GPHN: variants seen among roughly 807,000 people sequenced by gnomAD.
GPHN encodes the protein gephyrin.
A neutral mutation model predicts 95.5 loss-of-function variants in GPHN; 17 were observed. The observed-to-expected ratio is 0.18, with a 90% CI of 0.12 to 0.27. GPHN has a LOEUF of 0.27. GPHN is among the 10% of genes least tolerant of loss of function. GPHN has a pLI of 1.00. For missense variants in GPHN, 660 were observed against 978.1 expected (o/e 0.67, Z 4.34); for synonymous variants, 320 against 322.5 (o/e 0.99, Z 0.08).
At chr14:66,538,083 C>T (rs1490099835) in intron 1 of GPHN, among the ~76,000 whole-genome samples, 5 of 152,204 alleles carry the variant, frequency 3.3e-5, no homozygotes, top group Non-Finnish European at 7.3e-5. Flanking sequence ...CTTCCTGCCT[C>T]AGCCTCCCAA....
chr14:66,851,389 T>C (rs1016977808), intron 4 of GPHN, among the ~76,000 whole-genome samples: 1 of 152,078 alleles, frequency 6.6e-6, no homozygotes, highest in Non-Finnish European at 1.5e-5. Flanking sequence ...TCACCCAGAC[T>C]GGAGTTAGAA....
chr14:67,108,110 C>T (rs558877240), intron 13 of GPHN, among the ~76,000 whole-genome samples: 18 of 152,142 alleles, frequency 1.2e-4, no homozygotes. Flanking sequence ...CTGCAGCACC[C>T]AGGAGCTAGC....
At chr14:67,297,856 T>C in the GPHN span, among the ~76,000 whole-genome samples, 2 of 152,208 alleles carry the variant, frequency 1.3e-5, no homozygotes, top group African/African-American at 4.8e-5. Flanking sequence ...TACAATTCTA[T>C]CTTCATTGAG....
the GPHN span, among the ~76,000 whole-genome samples, chr14:67,295,690 T>A: frequency 6.6e-6 from 1 of 152,124 alleles, no homozygotes; most frequent in Non-Finnish European, 1.5e-5. Context: ...ATGACAATGA[T>A]TACAATTTAA....
intron 4 of GPHN, among the ~76,000 whole-genome samples, chr14:66,840,274 G>A (rs927050993): frequency 6.6e-6 from 1 of 151,976 alleles, no homozygotes; most frequent in Non-Finnish European, 1.5e-5. Flanking sequence ...GCGAGACACT[G>A]TCTCAAAAAT....
the GPHN span, among the ~76,000 whole-genome samples, chr14:67,275,607 C>T: frequency 6.6e-6 from 1 of 152,124 alleles, no homozygotes; most frequent in East Asian, 1.9e-4. Flanking sequence ...CTCTGCCCGG[C>T]TTTGGTATCA....
At chr14:66,622,882 T>G (rs1306827646) in intron 1 of GPHN, among the ~76,000 whole-genome samples, 3 of 152,202 alleles carry the variant, frequency 2.0e-5, no homozygotes, top group Non-Finnish European at 2.9e-5. Flanking sequence ...GATTTTCCTG[T>G]CTTCTTCTGA....
intron 8 of GPHN, among the ~76,000 whole-genome samples, chr14:66,933,635 T>G (rs2153567992): frequency 6.6e-6 from 1 of 152,326 alleles, no homozygotes; most frequent in South Asian, 2.1e-4. Flanking sequence ...AATTTAAGCT[T>G]CAGTTCTCAT....
the GPHN span, chr14:67,316,848 G>C: frequency 7.4e-6 from 12 of 1,611,512 alleles, no homozygotes; most frequent in Non-Finnish European, 1.0e-5. Flanking sequence ...GCTTTCAGCA[G>C]CAAAGGGAAG....
chr14:66,791,774 ATGACCTGTATCT>A (rs2059978313), intron 3 of GPHN, among the ~76,000 whole-genome samples: 1 of 152,214 alleles, frequency 6.6e-6, no homozygotes, highest in African/African-American at 2.4e-5. Context: ...CAAGGTCTTC[ATGACCTGTATCT>A]TGTGCTGACC....
At chr14:66,784,206 T>G (rs571244213) in intron 3 of GPHN, among the ~76,000 whole-genome samples, 1 of 152,220 alleles carries the variant, frequency 6.6e-6, no homozygotes, top group South Asian at 2.1e-4. Context: ...ATTATAGAAC[T>G]GAGAAATACC....
At chr14:66,771,823 G>A (rs2059188811) in intron 2 of GPHN, among the ~76,000 whole-genome samples, 1 of 148,488 alleles carries the variant, frequency 6.7e-6, no homozygotes, top group South Asian at 2.1e-4. Context: ...AGAATATGCG[G>A]TGTTTGGTTT....
intron 1 of GPHN, among the ~76,000 whole-genome samples, chr14:66,569,788 ATATT>A (rs1469017480): frequency 1.3e-5 from 2 of 152,168 alleles, no homozygotes; most frequent in East Asian, 1.9e-4. Context: ...ATTACCTCAC[ATATT>A]TATTTGTTGT....
the GPHN span, among the ~76,000 whole-genome samples, chr14:67,356,434 C>CAAAAAAAAAAAAAAAA: frequency 1.5e-5 from 2 of 129,742 alleles, no homozygotes. Flanking sequence ...AAAACAAAAA[C>CAAAAAAAAAAAAAAAA]AAAAAAAAAA....
the GPHN span, among the ~76,000 whole-genome samples, chr14:67,235,409 C>T: frequency 6.6e-6 from 1 of 152,052 alleles, no homozygotes; most frequent in Admixed American, 6.6e-5. Flanking sequence ...TACCTACATC[C>T]TCTCTCGGAA....
chr14:67,396,894 G>A, the GPHN span, among the ~76,000 whole-genome samples: 1 of 151,388 alleles, frequency 6.6e-6, no homozygotes, highest in African/African-American at 2.4e-5. Context: ...TCCATGCCTT[G>A]CAAATGTCTT....
At chr14:66,954,647 C>CT (rs1394956611) in intron 8 of GPHN, among the ~76,000 whole-genome samples, 3 of 152,152 alleles carry the variant, frequency 2.0e-5, no homozygotes, top group Non-Finnish European at 4.4e-5. Flanking sequence ...CTGGCTAGAA[C>CT]TTTGAGTACA....
At position 66,661,431 on chromosome 14, in the gene GPHN, C is replaced by A. The variant is rs2153375561; in HGVS notation, c.65-19676C>A. 2.0e-5 allele frequency among the ~76,000 whole-genome samples: 3 copies of A among 152,126 alleles called. No individual in the cohort carries two copies. The Middle Eastern group carries it at 0.01, about 517-fold the overall frequency. ...GCCAGACTGCTTCTTTAAGAGGGAC[C>A]CTCAATCCAAATCCTCTTCTTGGGT... On this transcript the variant is annotated intron_variant, in intron 1 of 22. Coordinates refer to ENST00000478722, the MANE Select transcript of GPHN (RefSeq NM_020806.5).
intron 4 of GPHN, among the ~76,000 whole-genome samples, chr14:66,839,917 G>A (rs2062006964): frequency 1.3e-5 from 2 of 152,118 alleles, no homozygotes; most frequent in African/African-American, 4.8e-5. Flanking sequence ...CTGTGGGGTA[G>A]ATAGATGAAT....
Sources: gnomAD v4.1 joint callset for allele counts (sites outside exome capture counted in the v4.1 genomes callset) on GRCh38, gnomAD v4.1.1 for gene constraint, MANE v1.5 for transcripts, NCBI Gene and HGNC (gene_info 2026-07-23, HGNC 2026-07-21) for gene names.